The following TMED8 variants were observed in gnomAD, a reference collection of about 807,000 sequenced individuals.
TMED8 encodes the protein protein TMED8.
A neutral mutation model predicts 32.7 loss-of-function variants in TMED8; 15 were observed. The ratio of observed to expected loss-of-function variants is 0.46; its 90% CI spans 0.31 to 0.71. The LOEUF (loss-of-function observed/expected upper bound fraction) is 0.71, where lower values mean the gene tolerates loss of function less well. TMED8 is among the 30% of genes least tolerant of loss of function. The pLI is 0.06. For missense variants in TMED8, 390 were observed against 423.9 expected (o/e 0.92, Z 0.70); for synonymous variants, 147 against 161.4 (o/e 0.91, Z 0.68).
chr14:77,351,889 G>C (rs1018335180), intron 1 of TMED8, 138 bp from the exon 2 acceptor site: 1 of 541,284 alleles, frequency 1.8e-6, no homozygotes, highest in Admixed American at 3.6e-5. Context: ...TACTCTCAGA[G>C]GCCCAACACA....
At chr14:77,343,517 A>G (rs1291530250) in intron 4 of TMED8, 34 bp from the exon 5 acceptor site, 1 of 1,604,608 alleles carries the variant, frequency 6.2e-7, no homozygotes, top group Admixed American at 1.7e-5. Context: ...CTGAGAAACC[A>G]TGAGGAAACA....
Position 77,338,322 on chromosome 14 carries a change from A to G in TMED8, c.*3449T>C, listed in dbSNP as rs1415366948. The G allele has an allele frequency of 6.6e-6, 1 of 152,192 alleles. No homozygotes were observed. Among genetic ancestry groups the G allele is most frequent in the Non-Finnish European group, 1.5e-5 (1 of 68,044 alleles). The allele number at this position is 152,192 out of a possible 1,614,324, so 9.4% of individuals were successfully genotyped here. On this transcript the variant is annotated 3_prime_UTR_variant, in exon 6 of 6. Transcript: ENST00000216468. ...ATTCTGTAGAGAATCTCCTTCTCTTATTAGGTCTTTTCTGGAGAGTCTGAC... is the reference window on the plus strand; with the variant it reads ...ATTCTGTAGAGAATCTCCTTCTCTTGTTAGGTCTTTTCTGGAGAGTCTGAC...
At chr14:77,367,316 A>G (rs1893577960) in intron 1 of TMED8, among the ~76,000 whole-genome samples, 1 of 151,816 alleles carries the variant, frequency 6.6e-6, no homozygotes, top group Non-Finnish European at 1.5e-5. Context: ...GTAGAAGAGT[A>G]CACAAAAGTG....
At chr14:77,372,907 TATATATA>T (rs1204745597) in intron 1 of TMED8, among the ~76,000 whole-genome samples, 3,184 of 41,676 alleles carry the variant, frequency 0.076, 216 homozygotes, top group Non-Finnish European at 0.083. Flanking sequence ...CCACAGATAT[TATATATA>T]TATATATATA....
rs1892946836 is a variant in TMED8, at chr14:77,343,266, G to A, written c.672C>T (p.Thr224=). The A allele has an allele frequency of 1.2e-6, 2 of 1,613,990 alleles. No homozygotes were observed. The highest frequency in any genetic ancestry group is 1.7e-6 in the Non-Finnish European group (2 of 1,180,032). Residue 224 remains threonine, a synonymous_variant, in exon 5 of 6, where the codon ACC becomes ACT. Coordinates refer to ENST00000216468, the MANE Select transcript of TMED8 (RefSeq NM_213601.3). ...DIGFGVYFDW[T]PVTSTDITVQ... ...CAGTTATGTCAGTGCTAGTTACAGG[G>A]GTCCAGTCAAAATAAACTCCAAAGC...
In TMED8 at chr14:77,351,763, TAGAA is replaced by T. The variant is rs749387444; in HGVS notation, c.119-16_119-13del. 3 of 1,601,548 alleles carry T rather than the reference TAGAA, an allele frequency of 1.9e-6. No individual in the cohort carries two copies. Among genetic ancestry groups the T allele is most frequent in the Non-Finnish European group, 1.7e-6 (2 of 1,172,100 alleles). On this transcript the variant is annotated splice_polypyrimidine_tract_variant and intron_variant, in intron 1 of 5. Coordinates refer to ENST00000216468, the MANE Select transcript of TMED8 (RefSeq NM_213601.3). ...TAGATCTTCATTCTCTAGAAAACCA[TAGAA>T]AGAAAGAATTCAATATCTGAGAGGG...
At chr14:77,351,358 C>T (rs1327267914) in intron 2 of TMED8, among the ~76,000 whole-genome samples, 7 of 149,456 alleles carry the variant, frequency 4.7e-5, no homozygotes, top group South Asian at 2.1e-4. Flanking sequence ...TGGTGGTGCG[C>T]GCCTGTAGTC....
At chr14:77,346,180 C>A (rs1323371658) in intron 3 of TMED8, among the ~76,000 whole-genome samples, 169 bp downstream of exon 3, 1 of 152,098 alleles carries the variant, frequency 6.6e-6, no homozygotes, top group African/African-American at 2.4e-5. Context: ...GTGGAAGATA[C>A]AAATAATCAT....
rs1388617913 is a variant in TMED8 at position 77,338,485 on chromosome 14, ACT to A, written c.*3284_*3285del. 3 of 152,168 alleles carry A rather than the reference ACT, an allele frequency of 2.0e-5. No individual in the cohort carries two copies. Among genetic ancestry groups the A allele is most frequent in the Non-Finnish European group, 4.4e-5 (3 of 68,026 alleles). 9.4% of individuals were successfully genotyped at this position (152,168 alleles called of 1,614,324 possible). ...ACTTCATCTTTTCAGGTAAAGTTTAACTCTCTCAACCAACTGCCAGTCAGGAA... is the reference window on the plus strand; with the variant it reads ...ACTTCATCTTTTCAGGTAAAGTTTAACTCTCAACCAACTGCCAGTCAGGAA... On this transcript the variant is annotated 3_prime_UTR_variant, in exon 6 of 6. Transcript: ENST00000216468.
chr14:77,336,533 C>G lies in TMED8; in HGVS notation c.*5238G>C, dbSNP rs761330680. The G allele has an allele frequency of 5.9e-5, 9 of 152,080 alleles. No individual in the cohort carries two copies. The highest frequency in any genetic ancestry group is 1.3e-4 in the Non-Finnish European group (9 of 68,020). 9.4% of individuals were successfully genotyped at this position (152,080 alleles called of 1,614,324 possible). ...TTCAAACAGGAGGGGCTTTGTTTAG[C>G]CTTCTTGGTTTAGGCAGGGACAATG... is the stretch of plus-strand genomic sequence containing the variant. On this transcript the variant is annotated 3_prime_UTR_variant, in exon 6 of 6. Coordinates refer to ENST00000216468, the MANE Select transcript of TMED8 (RefSeq NM_213601.3).
chr14:77,343,892 A>G, intron 3 of TMED8, 69 bp from the exon 4 acceptor site: 1 of 1,538,320 alleles, frequency 6.5e-7, no homozygotes, highest in Non-Finnish European at 8.8e-7. Flanking sequence ...TTTTGCATGA[A>G]GGCTGCCCCA....
rs1433616181 is a variant in TMED8, at chr14:77,377,045, G to A, written c.9C>T (p.Asp3=). The A allele has an allele frequency of 5.8e-6, 8 of 1,375,810 alleles. No homozygotes were observed. The highest frequency in any genetic ancestry group is 7.5e-6 in the Non-Finnish European group (8 of 1,073,402). 85.2% of individuals were successfully genotyped at this position (1,375,810 alleles called of 1,614,324 possible). A position where few individuals can be genotyped will look rare whatever the true frequency, so the allele number is the denominator to read the frequency against. Reference sequence around the variant, plus strand: ...AGCCCGGCCCCTCAGCCGCCTGCAGGTCAGACATCTGCAGCCCGCGCACGG... The same window carrying A: ...AGCCCGGCCCCTCAGCCGCCTGCAGATCAGACATCTGCAGCCCGCGCACGG... MS[D]LQAAEGPGSW... is the part of the protein sequence containing the mutation. Residue 3 remains aspartate, a synonymous_variant, in exon 1 of 6, where the codon GAC becomes GAT. Coordinates refer to ENST00000216468, the MANE Select transcript of TMED8 (RefSeq NM_213601.3).
chr14:77,374,829 T>C (rs1489028700), intron 1 of TMED8, among the ~76,000 whole-genome samples: 2 of 152,242 alleles, frequency 1.3e-5, no homozygotes, highest in Admixed American at 1.3e-4. Flanking sequence ...TAATTGTTTC[T>C]CCCTGAAATG....
chr14:77,355,467 A>G (rs1182211693), intron 1 of TMED8, among the ~76,000 whole-genome samples: 1 of 152,200 alleles, frequency 6.6e-6, no homozygotes, highest in Non-Finnish European at 1.5e-5. Context: ...AAGTGCTGGG[A>G]TTACAGGCGT....
At chr14:77,343,509 G>A (rs1170481486) in intron 4 of TMED8, 26 bp from the exon 5 acceptor site, 17 of 1,607,744 alleles carry the variant, frequency 1.1e-5, no homozygotes, top group Non-Finnish European at 1.4e-5. Context: ...GCTTAGCACT[G>A]AGAAACCATG....
chr14:77,343,114 C>T, intron 5 of TMED8, 64 bp downstream of exon 5: 1 of 1,537,342 alleles, frequency 6.5e-7, no homozygotes, highest in Non-Finnish European at 8.8e-7. Context: ...GTACAACCCA[C>T]AAAATGGTCA....
At chr14:77,343,861 G>T in intron 3 of TMED8, 38 bp from the exon 4 acceptor site, 1 of 1,588,598 alleles carries the variant, frequency 6.3e-7, no homozygotes, top group South Asian at 1.1e-5. Flanking sequence ...GTATTCGAGT[G>T]GCAGATTCTA....
At position 77,377,030 on chromosome 14, in the gene TMED8, C is replaced by T. The variant is rs979055841; in HGVS notation, c.24G>A (p.Glu8=). The stretch of plus-strand genomic sequence containing the variant: ...CTGTGGGGCTCCAGGAGCCCGGCCC[C>T]TCAGCCGCCTGCAGGTCAGACATCT... MSDLQAA[E]GPGSWSPTAR... Residue 8 remains glutamate (E), a synonymous_variant, in exon 1 of 6, where the codon GAG becomes GAA. Coordinates refer to ENST00000216468, the MANE Select transcript of TMED8 (RefSeq NM_213601.3). 1 of 1,387,210 alleles carries T rather than the reference C, an allele frequency of 7.2e-7. No individual in the cohort carries two copies. The highest frequency in any genetic ancestry group is 9.3e-7 in the Non-Finnish European group (1 of 1,081,060). 85.9% of individuals were successfully genotyped at this position (1,387,210 alleles called of 1,614,324 possible).
chr14:77,372,937 TATATATATATATATA>T (rs1176369773), intron 1 of TMED8, among the ~76,000 whole-genome samples: 350 of 34,068 alleles, frequency 0.01, 4 homozygotes, highest in African/African-American at 0.016. Flanking sequence ...TATATATATA[TATATATATATATATA>T]TTTTTTTTTT....
Sources: allele counts gnomAD v4.1 joint callset (sites outside exome capture counted in the v4.1 genomes callset), GRCh38; gene constraint gnomAD v4.1.1; transcripts MANE v1.5; gene names NCBI Gene and HGNC (gene_info 2026-07-23, HGNC 2026-07-21).